The following PCDHAC1 variants were observed in gnomAD, a reference collection of about 807,000 sequenced individuals.
The protein encoded by PCDHAC1 is protocadherin alpha subfamily C, 1.
In PCDHAC1, 42 loss-of-function variants were observed where a neutral mutation model predicts 60.0. That is an observed-to-expected ratio of 0.70 (90% CI 0.55 to 0.90). The LOEUF (loss-of-function observed/expected upper bound fraction) is 0.90. Ranked by LOEUF, PCDHAC1 falls within the 40% of genes least tolerant of loss-of-function variation. The probability of loss-of-function intolerance (pLI) is 0.00; values close to 1 mark genes in which losing one functional copy is unlikely to be tolerated. For synonymous variants in PCDHAC1, 468 were observed against 499.3 expected (o/e 0.94, Z 0.84); for missense variants, 1,160 against 1,222.3 (o/e 0.95, Z 0.76).
chr5:140,970,774 A>G (rs1554232727), intron 1 of PCDHAC1, among the ~76,000 whole-genome samples: 2 of 152,218 alleles, frequency 1.3e-5, no homozygotes, highest in Admixed American at 1.3e-4. Context: ...TGCTGTACAT[A>G]CATATTGTAT....
intron 3 of PCDHAC1, among the ~76,000 whole-genome samples, chr5:141,005,701 CAA>C (rs59860837): frequency 3.2e-3 from 25 of 7,784 alleles, no homozygotes; most frequent in African/African-American, 6.6e-3. Flanking sequence ...AACTCCGTCT[CAA>C]AAAAAAAAAA....
intron 3 of PCDHAC1, among the ~76,000 whole-genome samples, chr5:140,993,888 G>A (rs1196429613): frequency 6.6e-6 from 1 of 152,140 alleles, no homozygotes; most frequent in African/African-American, 2.4e-5. Flanking sequence ...GCTCTATGAT[G>A]TCCATACAAC....
At position 140,929,268 on chromosome 5, in the gene PCDHAC1, A is replaced by G. The variant is rs1303371377; in HGVS notation, c.2376A>G (p.Pro792=). Residue 792 remains proline (P), a synonymous_variant, in exon 1 of 4, where the codon CCA becomes CCG. Transcript: ENST00000253807. ...NLATGVGLNL[P]ISCIQIRNRK... ...CCACTGGGGTAGGACTGAATTTGCC[A>G]ATATCCTGTATTCAGATTCGGAATA... 1 of 1,611,476 alleles carries G rather than the reference A, an allele frequency of 6.2e-7. No homozygotes were observed. The highest frequency in any genetic ancestry group is 8.5e-7 in the Non-Finnish European group (1 of 1,178,202).
chr5:140,993,853 A>G (rs1423193144), intron 3 of PCDHAC1, among the ~76,000 whole-genome samples: 5 of 152,198 alleles, frequency 3.3e-5, no homozygotes, highest in African/African-American at 7.2e-5. Context: ...GTAGTAGGCT[A>G]TGCCATCTAG....
intron 1 of PCDHAC1, among the ~76,000 whole-genome samples, chr5:140,954,919 C>T (rs246021): frequency 4.6e-5 from 7 of 151,890 alleles, no homozygotes; most frequent in African/African-American, 1.7e-4. Flanking sequence ...TTATGAATTA[C>T]GTCTTTAATT....
chr5:140,993,462 T>TCTCACACACACA (rs1235362335), intron 3 of PCDHAC1, among the ~76,000 whole-genome samples: 1 of 140,938 alleles, frequency 7.1e-6, no homozygotes, highest in African/African-American at 2.6e-5. Context: ...TCTTTCTTTC[T>TCTCACACACACA]CACACACACA....
chr5:140,952,852 G>A (rs887887464), intron 1 of PCDHAC1, among the ~76,000 whole-genome samples: 2 of 152,068 alleles, frequency 1.3e-5, no homozygotes, highest in Non-Finnish European at 2.9e-5. Context: ...TTGTCTTCTG[G>A]GGAGGCCTCA....
intron 1 of PCDHAC1, among the ~76,000 whole-genome samples, chr5:140,950,285 C>T (rs1314594266): frequency 1.3e-5 from 2 of 151,926 alleles, no homozygotes; most frequent in African/African-American, 4.8e-5. Context: ...TTTGCTTCAA[C>T]CTGAAAAACT....
chr5:141,010,398 G>C lies in PCDHAC1; in HGVS notation c.*461G>C. The C allele has an allele frequency of 7.6e-7, 1 of 1,323,994 alleles. No individual in the cohort carries two copies. Among genetic ancestry groups the C allele is most frequent in the South Asian group, 1.5e-5 (1 of 66,476 alleles). 82.0% of individuals were successfully genotyped at this position (1,323,994 alleles called of 1,614,324 possible). A position where few individuals can be genotyped will look rare whatever the true frequency, so the allele number is the denominator to read the frequency against. ...GCCAGATATTGGCTGAGACGAGCCA[G>C]CTTAGACTAATTGGTACAAGGAAGG... On this transcript the variant is annotated 3_prime_UTR_variant, in exon 4 of 4. Transcript: ENST00000253807.
At chr5:140,985,607 C>T (rs1554247195) in intron 3 of PCDHAC1, among the ~76,000 whole-genome samples, 1 of 152,156 alleles carries the variant, frequency 6.6e-6, no homozygotes, top group Non-Finnish European at 1.5e-5. Flanking sequence ...GAGCCCTTTC[C>T]GTGAACCAGC....
intron 1 of PCDHAC1, chr5:140,968,753 C>G: frequency 1.2e-6 from 2 of 1,614,022 alleles, no homozygotes; most frequent in Non-Finnish European, 1.7e-6. Flanking sequence ...CGTGGTGGTC[C>G]GAGATAATGG....
chr5:140,941,190 TTTTTCTTTCTTC>T (rs1475511565), intron 1 of PCDHAC1, among the ~76,000 whole-genome samples: 3 of 129,438 alleles, frequency 2.3e-5, no homozygotes, highest in South Asian at 2.5e-4. Context: ...TGCTTCTTTT[TTTTTCTTTCTTC>T]CTTTCTTTCT....
intron 1 of PCDHAC1, chr5:140,969,338 C>G: frequency 1.1e-5 from 18 of 1,613,914 alleles, no homozygotes; most frequent in Non-Finnish European, 1.4e-5. Context: ...TGAGGTGAGA[C>G]AGTGGTCAGG....
chr5:140,973,242 ATTC>A (rs1295527172), intron 1 of PCDHAC1, among the ~76,000 whole-genome samples: 1 of 152,170 alleles, frequency 6.6e-6, no homozygotes, highest in Non-Finnish European at 1.5e-5. Context: ...GAAAGAGTTA[ATTC>A]TTCTTTCAGT....
At position 140,993,462 on chromosome 5, in the gene PCDHAC1, TCACACACACACACACACACA is replaced by T. The variant is rs3836747; in HGVS notation, c.2581+10927_2581+10946del. ...CATTCCTGTTCTCCTTCTTTCTTTC[TCACACACACACACACACACA>T]CACACACACACACACACACACACAC... On this transcript the variant is annotated intron_variant, in intron 3 of 3. Coordinates refer to ENST00000253807, the MANE Select transcript of PCDHAC1 (RefSeq NM_018898.5). Among the ~76,000 whole-genome samples the T allele has an allele frequency of 7.1e-5, 10 of 141,044 alleles. No individual in the cohort carries two copies. In the South Asian group the frequency reaches 9.5e-4, roughly 13 times the overall value. The allele number at this position is 141,044 out of a possible 152,430, so 92.5% of individuals were successfully genotyped here.
chr5:140,955,914 G>A (rs1293205418), intron 1 of PCDHAC1, among the ~76,000 whole-genome samples: 1 of 152,140 alleles, frequency 6.6e-6, no homozygotes, highest in East Asian at 1.9e-4. Context: ...TAGCAATTGT[G>A]AATGGGAGTT....
chr5:140,959,373 C>CA lies in PCDHAC1; in HGVS notation c.2434-19566dup, dbSNP rs1243465116. Among the ~76,000 whole-genome samples the CA allele has an allele frequency of 8.3e-3, 1,208 of 145,190 alleles. 7 individuals carry two copies. Among genetic ancestry groups the CA allele is most frequent in the Admixed American group, 0.016 (228 of 14,544 alleles). ...GGGACAACTGAGTGAGACCCTGTCT[C>CA]AAAAAAAAAAGTCACAAATTAAGAT... On this transcript the variant is annotated intron_variant, in intron 1 of 3. Coordinates refer to ENST00000253807, the MANE Select transcript of PCDHAC1 (RefSeq NM_018898.5).
At chr5:140,992,131 T>C (rs1554252686) in intron 3 of PCDHAC1, among the ~76,000 whole-genome samples, 1 of 151,874 alleles carries the variant, frequency 6.6e-6, no homozygotes, top group African/African-American at 2.4e-5. Flanking sequence ...GAACAGTGAC[T>C]GATGATGCTA....
At chr5:140,933,003 G>A (rs1466484630) in intron 1 of PCDHAC1, among the ~76,000 whole-genome samples, 5 of 151,902 alleles carry the variant, frequency 3.3e-5, no homozygotes, top group East Asian at 1.9e-4. Flanking sequence ...TATGAATATC[G>A]GAAATATTAA....
Sources: gnomAD v4.1 joint callset for allele counts (sites outside exome capture counted in the v4.1 genomes callset) on GRCh38, gnomAD v4.1.1 for gene constraint, MANE v1.5 for transcripts, NCBI Gene and HGNC (gene_info 2026-07-23, HGNC 2026-07-21) for gene names.